Variants in LOXL4 observed in about 807,000 individuals in gnomAD.
LOXL4 encodes the protein lysyl oxidase homolog 4.
Under a neutral mutation model 89.1 loss-of-function variants are expected in LOXL4, and 72 were observed. The ratio of observed to expected loss-of-function variants is 0.81; its 90% CI spans 0.67 to 0.98. The LOEUF (loss-of-function observed/expected upper bound fraction) is 0.98. Ranked by LOEUF, LOXL4 falls within the 50% of genes least tolerant of loss-of-function variation. The pLI is 0.00. For synonymous variants in LOXL4, 355 were observed against 392.1 expected (o/e 0.91, Z 1.12); for missense variants, 984 against 1,017.5 (o/e 0.97, Z 0.45).
Position 98,262,059 on chromosome 10 carries a change from A to T in LOXL4, c.432T>A (p.Thr144=). Reference sequence around the variant, plus strand: ...CCTGGGGCCCAAGGGCATTGGAGACAGTTTCAGAAAGGTAGCCACGATGGC... The same window carrying T: ...CCTGGGGCCCAAGGGCATTGGAGACTGTTTCAGAAAGGTAGCCACGATGGC... ...PRRHRGYLSE[T]VSNALGPQGR... is the part of the protein sequence containing the mutation. The change falls in exon 3 of 15, where the codon ACT becomes ACA. Residue 144 remains threonine, a synonymous_variant. Coordinates refer to ENST00000260702, the MANE Select transcript of LOXL4 (RefSeq NM_032211.7). The T allele has an allele frequency of 6.2e-7, 1 of 1,611,288 alleles. No individual in the cohort carries two copies. Among genetic ancestry groups the T allele is most frequent in the Non-Finnish European group, 8.5e-7 (1 of 1,178,940 alleles).
At chr10:98,260,325 C>T (rs1225209905) in intron 4 of LOXL4, among the ~76,000 whole-genome samples, 1 of 152,140 alleles carries the variant, frequency 6.6e-6, no homozygotes, top group Non-Finnish European at 1.5e-5. Context: ...AGGCCCTCCC[C>T]AAAGCCCTAA....
At chr10:98,261,503 C>A (rs776895517) in intron 3 of LOXL4, among the ~76,000 whole-genome samples, 16 of 152,146 alleles carry the variant, frequency 1.1e-4, no homozygotes, top group Non-Finnish European at 2.1e-4. Context: ...TGGGCATAGA[C>A]CAGCTGCTTG....
At chr10:98,256,620 T>A (rs1858373831) in intron 9 of LOXL4, 160 bp downstream of exon 9, 1 of 745,866 alleles carries the variant, frequency 1.3e-6, no homozygotes. Flanking sequence ...TCTTCTTGTT[T>A]ACCACACTGT....
At position 98,262,173 on chromosome 10, in the gene LOXL4, C is replaced by A. The variant is rs1240132273; in HGVS notation, c.318G>T (p.Glu106Asp). The change falls in exon 3 of 15, where the codon GAG becomes GAT. Residue 106 changes from glutamate to aspartate, a missense_variant. By Grantham distance (45) the Glu-to-Asp change is conservative (BLOSUM62 2). Coordinates refer to ENST00000260702, the MANE Select transcript of LOXL4 (RefSeq NM_032211.7). ...WLDNVRCVGT[E>D]SSLDQCGSNG... is the part of the protein sequence containing the mutation. ...TAGACCCGCACTGGTCCAAGGAGCTCTCTGTGCCCACACAGCGCACATTGT... is the reference window on the plus strand; with the variant it reads ...TAGACCCGCACTGGTCCAAGGAGCTATCTGTGCCCACACAGCGCACATTGT... 2 of 1,613,816 alleles carry A rather than the reference C, an allele frequency of 1.2e-6. No individual in the cohort carries two copies. The highest frequency in any genetic ancestry group is 2.2e-5 in the East Asian group (1 of 44,886).
intron 1 of LOXL4, among the ~76,000 whole-genome samples, chr10:98,267,897 C>A (rs138304082): frequency 2.6e-5 from 4 of 152,296 alleles, no homozygotes; most frequent in Non-Finnish European, 5.9e-5. Flanking sequence ...GAGGCCTGGG[C>A]GCACCACTCA....
In LOXL4 at chr10:98,249,058, C is replaced by T. The variant is rs1564754173; in HGVS notation, c.2201-67G>A. On this transcript the variant is annotated intron_variant, in intron 14 of 14. Transcript: ENST00000260702. ...GTCTCATCCCTTCCCTGACAACTTA[C>T]ATAGATCCACTCTGCCCAGCTCATC... 4.1e-6 allele frequency: 5 copies of T among 1,212,234 alleles called. No individual in the cohort carries two copies. In the East Asian group the frequency reaches 7.0e-5, roughly 17 times the overall value. The allele number at this position is 1,212,234 out of a possible 1,614,324, so 75.1% of individuals were successfully genotyped here. A position where few individuals can be genotyped will look rare whatever the true frequency, so the allele number is the denominator to read the frequency against.
At chr10:98,266,357 T>C (rs114440225) in intron 1 of LOXL4, among the ~76,000 whole-genome samples, 2,423 of 152,302 alleles carry the variant, frequency 0.016, 77 homozygotes, top group African/African-American at 0.055. Context: ...GGGGTGGCAC[T>C]AGACAGCCCC....
In LOXL4 at chr10:98,258,997, C is replaced by A; in HGVS notation, c.921+12G>T. 6.6e-7 allele frequency: 1 copy of A among 1,520,892 alleles called. No individual in the cohort carries two copies. The highest frequency in any genetic ancestry group is 8.9e-7 in the Non-Finnish European group (1 of 1,126,882). The allele number at this position is 1,520,892 out of a possible 1,614,324, so 94.2% of individuals were successfully genotyped here. On this transcript the variant is annotated intron_variant, in intron 6 of 14. Coordinates refer to ENST00000260702, the MANE Select transcript of LOXL4 (RefSeq NM_032211.7). ...CAAGCTGTGGTGTGAGTGCAGGATG[C>A]CCAGGGCTCACCTCTGCCCAGGACC...
At chr10:98,257,131 G>C (rs1392491426) in intron 8 of LOXL4, among the ~76,000 whole-genome samples, 184 bp from the exon 9 acceptor site, 2 of 152,184 alleles carry the variant, frequency 1.3e-5, no homozygotes, top group South Asian at 2.1e-4. Flanking sequence ...TAATGTCCCT[G>C]CCTGCTAGAG....
chr10:98,251,027 G>A lies in LOXL4; in HGVS notation c.2200+38C>T, dbSNP rs767125364. The A allele has an allele frequency of 5.5e-6, 8 of 1,453,400 alleles. No homozygotes were observed. In the African/African-American group the frequency reaches 7.0e-5, roughly 13 times the overall value. The allele number at this position is 1,453,400 out of a possible 1,614,324, so 90.0% of individuals were successfully genotyped here. ...CATTTACAGTGTTCCAGCTCCCTGAGCCTATAGATGGCTGATTCCACAGTG... is the reference window on the plus strand; with the variant it reads ...CATTTACAGTGTTCCAGCTCCCTGAACCTATAGATGGCTGATTCCACAGTG... On this transcript the variant is annotated intron_variant, in intron 14 of 14. Coordinates refer to ENST00000260702, the MANE Select transcript of LOXL4 (RefSeq NM_032211.7).
Position 98,256,913 on chromosome 10 carries a change from C to T in LOXL4, c.1295G>A (p.Gly432Glu). 2 of 1,614,176 alleles carry T rather than the reference C, an allele frequency of 1.2e-6. No individual in the cohort carries two copies. Among genetic ancestry groups the T allele is most frequent in the Non-Finnish European group, 1.7e-6 (2 of 1,180,026 alleles). ...CACCTCCACCTGCACCTCCAATAGC[C>T]CCTCCTCAGGGATACGCCCACCAGC... ...RLAGGRIPEE[G>E]LLEVQVEVNG... Residue 432 changes from glycine to glutamate, a missense_variant, in exon 9 of 15, where the codon GGG (glycine) becomes GAG (glutamate). Gly to Glu is a moderately conservative substitution (Grantham distance 98, BLOSUM62 -2). Coordinates refer to ENST00000260702, the MANE Select transcript of LOXL4 (RefSeq NM_032211.7).
Position 98,257,711 on chromosome 10 carries a change from C to T in LOXL4, c.1199G>A (p.Cys400Tyr), listed in dbSNP as rs1858418130. 1 of 1,614,008 alleles carries T rather than the reference C, an allele frequency of 6.2e-7. No individual in the cohort carries two copies. Among genetic ancestry groups the T allele is most frequent in the Non-Finnish European group, 8.5e-7 (1 of 1,180,020 alleles). Residue 400 changes from cysteine to tyrosine, a missense_variant, in exon 8 of 15, where the codon TGC becomes TAC. Transcript: ENST00000260702. ...CPALEGSQNG[C>Y]QHENDAAVRC... ...GACAGCAGCATCATTCTCATGTTGG[C>T]AACCATTCTGGGACCCTTCCAGGGC...
chr10:98,257,902 CCT>C, intron 7 of LOXL4, 77 bp downstream of exon 7: 1 of 1,582,450 alleles, frequency 6.3e-7, no homozygotes, highest in Non-Finnish European at 8.6e-7. Flanking sequence ...CTGTCCTGGC[CCT>C]GTCACCCCAG....
Position 98,261,887 on chromosome 10 carries a change from G to T in LOXL4, c.456+148C>A, listed in dbSNP as rs892943987. 3.0e-5 allele frequency: 24 copies of T among 792,796 alleles called. No individual in the cohort carries two copies. In the African/African-American group the frequency reaches 4.3e-4, roughly 14 times the overall value. 49.1% of individuals were successfully genotyped at this position (792,796 alleles called of 1,614,324 possible). A position where few individuals can be genotyped will look rare whatever the true frequency, so the allele number is the denominator to read the frequency against. ...CCTCTATTTATGCACCTGCTGCAGG[G>T]CACACTCAGGAGTCGGCGGCCTGGG... On this transcript the variant is annotated intron_variant, in intron 3 of 14. Transcript: ENST00000260702.
At position 98,257,767 on chromosome 10, in the gene LOXL4, C is replaced by T. The variant is rs774131554; in HGVS notation, c.1143G>A (p.Arg381=). The part of the protein sequence containing the change: ...GPIHLSEVRC[R]GYERTLSDCP... ...AGTCGCTGAGGGTCCGCTCATATCC[C>T]CTGCAGCGCACCTCACTCAGGTGGA... The change falls in exon 8 of 15, where the codon AGG becomes AGA. Residue 381 remains arginine (R), a synonymous_variant. Transcript: ENST00000260702. The T allele has an allele frequency of 9.3e-6, 15 of 1,613,826 alleles. No homozygotes were observed. In the South Asian group the frequency reaches 1.5e-4, roughly 17 times the overall value.
chr10:98,265,594 CAG>C (rs1858663986), intron 1 of LOXL4, among the ~76,000 whole-genome samples: 1 of 100,392 alleles, frequency 1.0e-5, no homozygotes, highest in African/African-American at 3.6e-5. Context: ...TTAGTAGAGA[CAG>C]GGTTTCACCA....
rs1590872731 is a variant in LOXL4, at chr10:98,247,987, A to G, written c.*934T>C. The G allele has an allele frequency of 6.6e-6, 1 of 152,164 alleles. No homozygotes were observed. The allele number at this position is 152,164 out of a possible 1,614,324, so 9.4% of individuals were successfully genotyped here. A position where few individuals can be genotyped will look rare whatever the true frequency, so the allele number is the denominator to read the frequency against. On this transcript the variant is annotated 3_prime_UTR_variant, in exon 15 of 15. Transcript: ENST00000260702. The stretch of plus-strand genomic sequence containing the variant: ...TCTGTAGAGATGAGTGGCTTGTTTG[A>G]TGTTCTTTCCATGGCAAAAATTTAT...
rs1396342559 is a variant in LOXL4, at chr10:98,262,128, G to A, written c.363C>T (p.Asp121=). The part of the protein sequence containing the change: ...QCGSNGWGVS[D]CSHSEDVGVI... ...CCCCTACGTCTTCTGAGTGACTGCA[G>A]TCACTGACTCCCCAGCCATTAGACC... Residue 121 remains aspartate, a synonymous_variant, in exon 3 of 15, where the codon GAC becomes GAT. Coordinates refer to ENST00000260702, the MANE Select transcript of LOXL4 (RefSeq NM_032211.7). 1 of 1,613,394 alleles carries A rather than the reference G, an allele frequency of 6.2e-7. No individual in the cohort carries two copies. Among genetic ancestry groups the A allele is most frequent in the Admixed American group, 1.7e-5 (1 of 59,986 alleles).
In LOXL4 at chr10:98,256,875, G is replaced by A. The variant is rs145386758; in HGVS notation, c.1333C>T (p.Arg445Cys). The change falls in exon 9 of 15, where the codon CGC (arginine) becomes TGC (cysteine). Residue 445 changes from arginine (R) to cysteine (C), a missense_variant. Transcript: ENST00000260702. The part of the protein sequence containing the change: ...EVQVEVNGVP[R>C]WGSVCSENWG... The stretch of plus-strand genomic sequence containing the variant: ...TTTTCACTGCACACGCTCCCCCAGC[G>A]TGGGACCCCGTTCACCTCCACCTGC... 516 of 1,614,160 alleles carry A rather than the reference G, an allele frequency of 3.2e-4. 2 individuals are homozygous for A. The highest frequency in any genetic ancestry group is 1.3e-3 in the South Asian group (119 of 91,086).
Sources: allele counts gnomAD v4.1 joint callset (sites outside exome capture counted in the v4.1 genomes callset), GRCh38; gene constraint gnomAD v4.1.1; transcripts MANE v1.5; gene names NCBI Gene and HGNC (gene_info 2026-07-23, HGNC 2026-07-21).